TBATA: variants seen among roughly 807,000 people sequenced by gnomAD.
The protein encoded by TBATA is protein TBATA.
Under a neutral mutation model 38.7 loss-of-function variants are expected in TBATA, and 47 were observed. That is an observed-to-expected ratio of 1.21 (90% CI 0.96 to 1.55). The LOEUF (loss-of-function observed/expected upper bound fraction) is 1.55, where lower values mean the gene tolerates loss of function less well. Among genes scored for constraint, TBATA ranks in the 40% most tolerant of loss-of-function variants. TBATA has a pLI of 0.00. For synonymous variants in TBATA, 183 were observed against 170.5 expected (o/e 1.07, Z -0.57); for missense variants, 436 against 435.6 (o/e 1.00, Z -0.01).
chr10:70,783,543 G>C lies in TBATA; in HGVS notation c.-146-18C>G. The C allele has an allele frequency of 4.2e-6, 3 of 707,966 alleles. No homozygotes were observed. The South Asian group carries it at 5.1e-5, about 12-fold the overall frequency. 43.9% of individuals were successfully genotyped at this position (707,966 alleles called of 1,614,324 possible). A position where few individuals can be genotyped will look rare whatever the true frequency, so the allele number is the denominator to read the frequency against. ...AACAGGCACTTTAGGGGGAGAAATG[G>C]TAATATCTTTTAAAATTGAGCATTT... On this transcript the variant is annotated intron_variant, in intron 2 of 10. Coordinates refer to ENST00000456372, the MANE Select transcript of TBATA (RefSeq NM_001318241.2).
Position 70,778,093 on chromosome 10 carries a change from C to A in TBATA, c.507+464G>T, listed in dbSNP as rs565950577. ...TCATCAAATGGCACCCATGGGGTCACCCCTATCATGTTTGAAAACCTTCCG... is the reference window on the plus strand; with the variant it reads ...TCATCAAATGGCACCCATGGGGTCAACCCTATCATGTTTGAAAACCTTCCG... On this transcript the variant is annotated intron_variant, in intron 6 of 10. Coordinates refer to ENST00000456372, the MANE Select transcript of TBATA (RefSeq NM_001318241.2). 3.3e-5 allele frequency among the ~76,000 whole-genome samples: 5 copies of A among 152,316 alleles called. No homozygotes were observed. In the East Asian group the frequency reaches 9.7e-4, roughly 29 times the overall value.
intron 7 of TBATA, among the ~76,000 whole-genome samples, chr10:70,776,549 G>A (rs1023541072): frequency 6.6e-6 from 1 of 152,240 alleles, no homozygotes; most frequent in South Asian, 2.1e-4. Flanking sequence ...AGGTTTCAGA[G>A]GGAGTGTGTG....
chr10:70,771,313 C>T lies in TBATA; in HGVS notation c.*63G>A, dbSNP rs779214615. The T allele has an allele frequency of 5.0e-6, 8 of 1,613,664 alleles. No homozygotes were observed. The African/African-American group carries it at 9.3e-5, about 19-fold the overall frequency. ...GGTACTGCTGTGAAGGTGGTGGAGA[C>T]AGAAACACCCCTGAACCCTTGGGGC... On this transcript the variant is annotated 3_prime_UTR_variant, in exon 11 of 11. Transcript: ENST00000456372.
chr10:70,779,063 G>C (rs977443159), intron 5 of TBATA, among the ~76,000 whole-genome samples: 2 of 152,218 alleles, frequency 1.3e-5, no homozygotes, highest in Non-Finnish European at 2.9e-5. Flanking sequence ...GTGGCAAAGA[G>C]AGCAGCAGCC....
intron 10 of TBATA, chr10:70,772,104 G>A (rs1266766558): frequency 2.5e-6 from 1 of 396,236 alleles, no homozygotes; most frequent in African/African-American, 2.1e-5. Flanking sequence ...GCTCTTCCTA[G>A]ACTTGGGTAG....
At chr10:70,781,677 A>G in intron 4 of TBATA, 124 bp downstream of exon 4, 1 of 950,056 alleles carries the variant, frequency 1.1e-6, no homozygotes, top group Non-Finnish European at 1.6e-6. Context: ...CAGCCCTGGG[A>G]TCCTGGACCC....
At chr10:70,777,797 C>G (rs1428816930) in intron 6 of TBATA, 3 of 455,876 alleles carry the variant, frequency 6.6e-6, no homozygotes, top group Non-Finnish European at 1.3e-5. Flanking sequence ...AGGTCTGTCC[C>G]AGAGAGGCCT....
intron 2 of TBATA, 41 bp from the exon 3 acceptor site, chr10:70,783,566 T>G: frequency 1.6e-6 from 1 of 615,610 alleles, no homozygotes; most frequent in Non-Finnish European, 2.9e-6. Context: ...AAATTGAGCA[T>G]TTGCATGCTG....
chr10:70,777,935 G>C, intron 6 of TBATA: 1 of 350,844 alleles, frequency 2.9e-6, no homozygotes, highest in Non-Finnish European at 5.6e-6. Context: ...CAGTGAGTTA[G>C]TTGTGAGCAG....
chr10:70,777,165 A>G lies in TBATA; in HGVS notation c.681T>C (p.Asp227=), dbSNP rs151019808. The G allele has an allele frequency of 3.2e-3, 5,189 of 1,612,708 alleles. 14 individuals are homozygous for G. The highest frequency in any genetic ancestry group is 4.2e-3 in the Non-Finnish European group (4,915 of 1,179,858). Residue 227 remains aspartate, a synonymous_variant, in exon 7 of 11, where the codon GAT becomes GAC. Transcript: ENST00000456372. ...HEGVQAFLLQ[D]QELLVLELLC... ...ACTGGGCCCTCACCAGCAGCTCCTGATCCTGAAGGAGGAAAGCCTGGACTC... is the reference window on the plus strand; with the variant it reads ...ACTGGGCCCTCACCAGCAGCTCCTGGTCCTGAAGGAGGAAAGCCTGGACTC...
At position 70,784,690 on chromosome 10, in the gene TBATA, C is replaced by G. The variant is rs1025359029; in HGVS notation, c.-190G>C. The G allele has an allele frequency of 1.3e-5, 2 of 152,140 alleles. No individual in the cohort carries two copies. The highest frequency in any genetic ancestry group is 4.8e-5 in the African/African-American group (2 of 41,424). 9.4% of individuals were successfully genotyped at this position (152,140 alleles called of 1,614,324 possible). On this transcript the variant is annotated 5_prime_UTR_variant, in exon 2 of 11. Transcript: ENST00000456372. ...TTCCTTAAAAGGAAGCTCCAGACATCCTTGATGTCAGGTACTGGGCTCTAG... is the reference window on the plus strand; with the variant it reads ...TTCCTTAAAAGGAAGCTCCAGACATGCTTGATGTCAGGTACTGGGCTCTAG...
chr10:70,771,866 A>G (rs899435204), intron 10 of TBATA, among the ~76,000 whole-genome samples: 2 of 151,916 alleles, frequency 1.3e-5, no homozygotes, highest in African/African-American at 4.8e-5. Context: ...TCCCTCACCC[A>G]TTCTTGTCCC....
At chr10:70,782,675 A>G (rs960339179) in intron 3 of TBATA, 1 of 984,096 alleles carries the variant, frequency 1.0e-6, no homozygotes. Flanking sequence ...TTTGCTGGAG[A>G]CAAGCCAGCT....
chr10:70,772,199 T>C (rs777302808), intron 10 of TBATA: 9 of 557,070 alleles, frequency 1.6e-5, no homozygotes, highest in South Asian at 1.4e-4. Context: ...AGCCTTGTTA[T>C]TCTCCTTACA....
chr10:70,779,912 C>A (rs1203325552), intron 4 of TBATA, among the ~76,000 whole-genome samples, 170 bp from the exon 5 acceptor site: 1 of 152,124 alleles, frequency 6.6e-6, no homozygotes, highest in African/African-American at 2.4e-5. Context: ...AGACCAGCGA[C>A]CGCCTCACCC....
At position 70,783,338 on chromosome 10, in the gene TBATA, C is replaced by A. The variant is rs765870111; in HGVS notation, c.41+1G>T. The A allele has an allele frequency of 6.2e-7, 1 of 1,614,204 alleles. No homozygotes were observed. The highest frequency in any genetic ancestry group is 2.2e-5 in the East Asian group (1 of 44,888). ...AGCAGGGTGGGCATTTGGAGCCTCA[C>A]CTCATCAGTGGATAATCAGCCAATT... On this transcript the variant is annotated splice_donor_variant, in intron 3 of 10. Transcript: ENST00000456372. LOFTEE classifies it high-confidence loss of function.
In TBATA at chr10:70,777,297, T is replaced by A. The variant is rs761894878; in HGVS notation, c.549A>T (p.Ala183=). The change falls in exon 7 of 11, where the codon GCA becomes GCT. Residue 183 remains alanine (A), a synonymous_variant. Transcript: ENST00000456372. ...QKEEPLREQG[A]KYSAETGRLI... ...GCCTCCCAGTCTCTGCTGAGTACTT[T>A]GCCCCCTGCTCCCGCAGAGGCTCCT... 1 of 1,613,658 alleles carries A rather than the reference T, an allele frequency of 6.2e-7. No homozygotes were observed. Among genetic ancestry groups the A allele is most frequent in the South Asian group, 1.1e-5 (1 of 91,084 alleles).
chr10:70,774,291 G>T lies in TBATA; in HGVS notation c.842C>A (p.Ser281Tyr). The stretch of plus-strand genomic sequence containing the variant: ...GCTTAGGAGCTTTTCTGTAGGGATG[G>T]AGACTAGGGGCTGGGGAAGGAGCTG... ...VAQLLPQPLV[S>Y]IPTEKLLSQL... Residue 281 changes from serine to tyrosine, a missense_variant, in exon 9 of 11, where the codon TCC (serine) becomes TAC (tyrosine). By Grantham distance (144) the Ser-to-Tyr change is moderately radical. Transcript: ENST00000456372. The T allele has an allele frequency of 3.7e-6, 6 of 1,610,138 alleles. No homozygotes were observed. The highest frequency in any genetic ancestry group is 5.1e-6 in the Non-Finnish European group (6 of 1,178,856).
Position 70,783,325 on chromosome 10 carries a change from A to C in TBATA, c.41+14T>G. 2 of 1,614,114 alleles carry C rather than the reference A, an allele frequency of 1.2e-6. No individual in the cohort carries two copies. The highest frequency in any genetic ancestry group is 1.7e-6 in the Non-Finnish European group (2 of 1,179,956). On this transcript the variant is annotated intron_variant, in intron 3 of 10. Coordinates refer to ENST00000456372, the MANE Select transcript of TBATA (RefSeq NM_001318241.2). Reference sequence around the variant, plus strand: ...GCCCTCCTCAGTCAGCAGGGTGGGCATTTGGAGCCTCACCTCATCAGTGGA... The same window carrying C: ...GCCCTCCTCAGTCAGCAGGGTGGGCCTTTGGAGCCTCACCTCATCAGTGGA...
Sources: allele counts gnomAD v4.1 joint callset (sites outside exome capture counted in the v4.1 genomes callset), GRCh38; gene constraint gnomAD v4.1.1; transcripts MANE v1.5; gene names NCBI Gene and HGNC (gene_info 2026-07-23, HGNC 2026-07-21).